Variants in KLF8 observed in about 807,000 individuals in gnomAD.
KLF8 encodes the protein KLF transcription factor 8, also known as Krueppel-like factor 8.
KLF8 carries 10 observed loss-of-function variants against 18.2 expected under a neutral mutation model. That is an observed-to-expected ratio of 0.55 (90% CI 0.34 to 0.93). The LOEUF is 0.93. KLF8 is among the 40% of genes least tolerant of loss of function. The pLI, the probability that KLF8 is intolerant of heterozygous loss-of-function variation, is 0.02. For missense variants in KLF8, 264 were observed against 277.9 expected (o/e 0.95, Z 0.36); for synonymous variants, 109 against 97.3 (o/e 1.12, Z -0.71).
the KLF8 span, among the ~76,000 whole-genome samples, chrX:55,985,230 T>G: frequency 8.9e-6 from 1 of 112,202 alleles, no homozygotes; most frequent in Non-Finnish European, 1.9e-5. Flanking sequence ...ATTGCCTAGA[T>G]TTTCTTCTAG....
At chrX:56,036,618 C>T in the KLF8 span, among the ~76,000 whole-genome samples, 1 of 112,054 alleles carries the variant, frequency 8.9e-6, no homozygotes, top group Non-Finnish European at 1.9e-5. Context: ...AGTGTGCTTC[C>T]TGCAGCCTTG....
chrX:56,187,978 C>T, the KLF8 span, among the ~76,000 whole-genome samples: 161 of 111,771 alleles, frequency 1.4e-3, no homozygotes, highest in African/African-American at 4.9e-3. Flanking sequence ...CAGTGATGCC[C>T]TCTCTCACCA....
the KLF8 span, among the ~76,000 whole-genome samples, chrX:56,140,333 A>G: frequency 1.8e-5 from 2 of 111,864 alleles, no homozygotes; most frequent in Non-Finnish European, 3.8e-5. Context: ...ACTATTCACA[A>G]TAGCAAATAC....
At chrX:56,230,174 G>C (rs1219444288), upstream of KLF8, among the ~76,000 whole-genome samples, 1 of 112,146 alleles carries the variant, frequency 8.9e-6, no homozygotes, top group African/African-American at 3.2e-5. Context: ...TGTATTCAGG[G>C]CTAGTAGTGG....
chrX:56,225,081 A>G, the KLF8 span, among the ~76,000 whole-genome samples: 79 of 111,702 alleles, frequency 7.1e-4, no homozygotes, highest in Non-Finnish European at 1.3e-3. Context: ...TAATACCATC[A>G]CATTGGGAGT....
chrX:56,289,120 G>T lies in KLF8; in HGVS notation c.*4626G>T, dbSNP rs975458199. 1.8e-5 allele frequency among the ~76,000 whole-genome samples: 2 copies of T among 112,166 alleles called. No homozygotes were observed. Among genetic ancestry groups the T allele is most frequent in the Non-Finnish European group, 3.8e-5 (2 of 53,264 alleles). On this transcript the variant is annotated 3_prime_UTR_variant, in exon 6 of 6. Transcript: ENST00000468660. Reference sequence around the variant, plus strand: ...TTTATACAATACTTTATTTATATCAGCATGGACTCATGGGTATTTATTTTA... The same window carrying T: ...TTTATACAATACTTTATTTATATCATCATGGACTCATGGGTATTTATTTTA...
chrX:55,962,354 G>T, the KLF8 span: 2 of 210,269 alleles, frequency 9.5e-6, no homozygotes, highest in Non-Finnish European at 1.8e-5. Flanking sequence ...GCTAAAGCCT[G>T]ATCAGGTGGA....
At chrX:56,002,459 G>C in the KLF8 span, among the ~76,000 whole-genome samples, 37 of 108,738 alleles carry the variant, frequency 3.4e-4, no homozygotes, top group African/African-American at 1.1e-3. Context: ...GTGTGTTTAA[G>C]TGTCTACCTT....
At chrX:55,983,861 G>A in the KLF8 span, among the ~76,000 whole-genome samples, 1 of 110,174 alleles carries the variant, frequency 9.1e-6, no homozygotes, top group Non-Finnish European at 1.9e-5. Context: ...TCACTTATAA[G>A]TAAAAACATG....
At chrX:56,245,090 T>C (rs2066605800) in intron 1 of KLF8, among the ~76,000 whole-genome samples, 1 of 112,545 alleles carries the variant, frequency 8.9e-6, no homozygotes, top group South Asian at 3.7e-4. Flanking sequence ...GGAAATTATA[T>C]GAAAGCTGTG....
At chrX:56,212,895 A>T in the KLF8 span, among the ~76,000 whole-genome samples, 2,996 of 111,760 alleles carry the variant, frequency 0.027, 105 homozygotes, top group African/African-American at 0.093. Flanking sequence ...TCTCAGCATG[A>T]GTAGGTCTTT....
intron 2 of KLF8, among the ~76,000 whole-genome samples, chrX:56,258,195 G>GT (rs2066825683): frequency 8.9e-6 from 1 of 112,503 alleles, no homozygotes; most frequent in Non-Finnish European, 1.9e-5. Context: ...AGTATAAGTA[G>GT]TATTAGATAA....
In KLF8 at chrX:56,285,429, C is replaced by G. The variant is rs2067257721; in HGVS notation, c.*935C>G. 9.0e-6 allele frequency: 1 copy of G among 111,431 alleles called. No homozygotes were observed. The highest frequency in any genetic ancestry group is 1.9e-5 in the Non-Finnish European group (1 of 53,122). The allele number at this position is 111,431 out of a possible 1,213,427, so 9.2% of individuals were successfully genotyped here. A position where few individuals can be genotyped will look rare whatever the true frequency, so the allele number is the denominator to read the frequency against. ...TTAATCACAAACCTCATTCAAATGG[C>G]AGGCTGTCGAGACAGTGTCTTGAGG... On this transcript the variant is annotated 3_prime_UTR_variant, in exon 6 of 6. Coordinates refer to ENST00000468660, the MANE Select transcript of KLF8 (RefSeq NM_007250.5).
At chrX:56,169,794 G>A in the KLF8 span, among the ~76,000 whole-genome samples, 1 of 111,939 alleles carries the variant, frequency 8.9e-6, no homozygotes, top group African/African-American at 3.2e-5. Flanking sequence ...ACACAAGCAC[G>A]GCTGGTTTTG....
At chrX:56,112,170 A>G in the KLF8 span, among the ~76,000 whole-genome samples, 1 of 112,024 alleles carries the variant, frequency 8.9e-6, no homozygotes, top group Non-Finnish European at 1.9e-5. Context: ...GGATGAGTTT[A>G]TGTCCTTTGC....
At chrX:56,081,427 A>G in the KLF8 span, among the ~76,000 whole-genome samples, 1 of 112,093 alleles carries the variant, frequency 8.9e-6, no homozygotes, top group African/African-American at 3.2e-5. Flanking sequence ...TGTATTCTAC[A>G]AAGTAGTTTC....
chrX:56,126,973 G>A, the KLF8 span, among the ~76,000 whole-genome samples: 1 of 108,033 alleles, frequency 9.3e-6, no homozygotes, highest in African/African-American at 3.4e-5. Flanking sequence ...GGCTGGTCTC[G>A]ACCTCCTGAC....
chrX:55,968,363 C>A, the KLF8 span, among the ~76,000 whole-genome samples: 2 of 111,878 alleles, frequency 1.8e-5, no homozygotes, highest in East Asian at 2.8e-4. Context: ...TATACTTCTC[C>A]TAGAAAGACA....
At chrX:56,171,634 A>C in the KLF8 span, among the ~76,000 whole-genome samples, 3 of 110,632 alleles carry the variant, frequency 2.7e-5, no homozygotes, top group Non-Finnish European at 5.7e-5. Flanking sequence ...TTGGATTTTT[A>C]TCCTTGTGAT....
Sources: allele counts gnomAD v4.1 joint callset (sites outside exome capture counted in the v4.1 genomes callset), GRCh38; gene constraint gnomAD v4.1.1; transcripts MANE v1.5; gene names NCBI Gene and HGNC (gene_info 2026-07-23, HGNC 2026-07-21).